The following GMPR variants were observed in gnomAD, a reference collection of about 807,000 sequenced individuals.
GMPR encodes GMP reductase 1.
Under a neutral mutation model 38.4 loss-of-function variants are expected in GMPR, and 31 were observed. The ratio of observed to expected loss-of-function variants is 0.81; its 90% CI spans 0.61 to 1.09. The LOEUF is 1.09. Ranked by LOEUF, GMPR falls within the 50% of genes least tolerant of loss-of-function variation. The pLI, the probability that GMPR is intolerant of heterozygous loss-of-function variation, is 0.00. For synonymous variants in GMPR, 162 were observed against 173.3 expected, an observed-to-expected ratio of 0.93 and a Z score of 0.51; for missense variants, 468 against 453.7, an observed-to-expected ratio of 1.03 and a Z score of -0.29.
At chr6:16,275,414 C>T (rs1421742781) in intron 5 of GMPR, among the ~76,000 whole-genome samples, 1 of 152,100 alleles carries the variant, frequency 6.6e-6, no homozygotes, top group Non-Finnish European at 1.5e-5. Context: ...CGTGATCAGC[C>T]TGAGGGAATT....
intron 4 of GMPR, chr6:16,262,732 T>C (rs2113681403): frequency 6.6e-6 from 1 of 152,120 alleles, no homozygotes; most frequent in South Asian, 2.1e-4. Flanking sequence ...TTTTGAACTT[T>C]TAGGGTCTAG....
intron 4 of GMPR, among the ~76,000 whole-genome samples, chr6:16,269,122 A>G (rs1175008019): frequency 1.3e-5 from 2 of 152,158 alleles, no homozygotes; most frequent in African/African-American, 4.8e-5. Context: ...AGCAATATAC[A>G]GAAAGTACTT....
At chr6:16,248,888 T>G (rs1758810336) in intron 2 of GMPR, among the ~76,000 whole-genome samples, 1 of 152,206 alleles carries the variant, frequency 6.6e-6, no homozygotes, top group Non-Finnish European at 1.5e-5. Context: ...CTTCCCATTT[T>G]CCTAGGAAGT....
intron 1 of GMPR, among the ~76,000 whole-genome samples, chr6:16,242,332 CTTTTT>C (rs36064390): frequency 7.0e-6 from 1 of 142,812 alleles, no homozygotes; most frequent in African/African-American, 2.6e-5. Flanking sequence ...TCACTAATTA[CTTTTT>C]TTTTTTTTTT....
chr6:16,248,684 A>G lies in GMPR; in HGVS notation c.208-1600A>G, dbSNP rs568717418. On this transcript the variant is annotated intron_variant, in intron 2 of 8. Coordinates refer to ENST00000259727, the MANE Select transcript of GMPR (RefSeq NM_006877.4). ...CTCAGCCCCTACTGAGCGTTGGGCC[A>G]GAGGCTAATAAATTAATTGCTAAGG... 1.4e-3 allele frequency among the ~76,000 whole-genome samples: 213 copies of G among 152,342 alleles called. 2 individuals carry two copies. The highest frequency in any genetic ancestry group is 4.9e-3 in the African/African-American group (204 of 41,578).
At chr6:16,250,891 A>C (rs1758860386) in intron 3 of GMPR, among the ~76,000 whole-genome samples, 1 of 124,318 alleles carries the variant, frequency 8.0e-6, no homozygotes, top group African/African-American at 3.1e-5. Flanking sequence ...AAAAAAAAAG[A>C]CAATAAATGT....
At chr6:16,278,486 A>G (rs532180049) in intron 5 of GMPR, among the ~76,000 whole-genome samples, 2 of 152,280 alleles carry the variant, frequency 1.3e-5, no homozygotes, top group Admixed American at 1.3e-4. Flanking sequence ...TGGCTATTGC[A>G]TGGGAGCCAG....
chr6:16,265,866 G>GT (rs1267604028), intron 4 of GMPR, among the ~76,000 whole-genome samples: 6 of 152,188 alleles, frequency 3.9e-5, no homozygotes, highest in Non-Finnish European at 5.9e-5. Context: ...CGCTCTTTGG[G>GT]TCCACGCGAC....
chr6:16,260,682 G>C (rs916476727), intron 4 of GMPR, among the ~76,000 whole-genome samples: 1 of 151,988 alleles, frequency 6.6e-6, no homozygotes, highest in Non-Finnish European at 1.5e-5. Flanking sequence ...CTAGTGGCTT[G>C]TACTATAGCA....
At chr6:16,278,681 C>T in intron 5 of GMPR, 103 bp from the exon 6 acceptor site, 3 of 801,640 alleles carry the variant, frequency 3.7e-6, no homozygotes, top group Non-Finnish European at 6.5e-6. Context: ...GAGGTTCACC[C>T]TGGTCCCTAA....
chr6:16,285,032 A>AAAAAAAAAAAAAAAAAG (rs1759650307), intron 6 of GMPR, among the ~76,000 whole-genome samples: 1 of 100,666 alleles, frequency 9.9e-6, no homozygotes, highest in Non-Finnish European at 2.0e-5. Flanking sequence ...AAAAAAAAAA[A>AAAAAAAAAAAAAAAAAG]CAAAAAAAAA....
intron 5 of GMPR, among the ~76,000 whole-genome samples, chr6:16,275,360 C>A (rs1276059427): frequency 6.6e-6 from 1 of 152,154 alleles, no homozygotes; most frequent in East Asian, 1.9e-4. Flanking sequence ...GGAAAACGCA[C>A]AGCTGGGAGG....
chr6:16,290,582 C>A lies in GMPR; in HGVS notation c.818C>A (p.Thr273Asn). 2 of 1,614,154 alleles carry A rather than the reference C, an allele frequency of 1.2e-6. No individual in the cohort carries two copies. Among genetic ancestry groups the A allele is most frequent in the Non-Finnish European group, 1.7e-6 (2 of 1,180,020 alleles). The change falls in exon 8 of 9, where the codon ACC becomes AAC. Residue 273 changes from threonine (T) to asparagine (N), a missense_variant. Physicochemically the swap from Thr to Asn is moderately conservative, Grantham distance 65. Coordinates refer to ENST00000259727, the MANE Select transcript of GMPR (RefSeq NM_006877.4). ...CTCTTCTACGGGATGAGCTCTGACACCGCCATGAACAAGCACGCAGGAGGA... is the reference window on the plus strand; with the variant it reads ...CTCTTCTACGGGATGAGCTCTGACAACGCCATGAACAAGCACGCAGGAGGA... ...LKLFYGMSSD[T>N]AMNKHAGGVA...
chr6:16,291,191 C>T (rs927785993), intron 8 of GMPR, among the ~76,000 whole-genome samples: 2 of 152,100 alleles, frequency 1.3e-5, no homozygotes, highest in Non-Finnish European at 2.9e-5. Context: ...AGAAGTGGGG[C>T]TTACTTCTGC....
intron 6 of GMPR, among the ~76,000 whole-genome samples, chr6:16,280,960 C>G (rs1420209124): frequency 5.3e-5 from 8 of 152,102 alleles, no homozygotes; most frequent in African/African-American, 1.9e-4. Context: ...TTCAAACTTG[C>G]TTAGTTTACA....
At chr6:16,286,559 ATGG>A (rs1008535727) in intron 7 of GMPR, among the ~76,000 whole-genome samples, 1 of 151,826 alleles carries the variant, frequency 6.6e-6, no homozygotes, top group Non-Finnish European at 1.5e-5. Flanking sequence ...AAAAAAAAAA[ATGG>A]TGGCAGGAAA....
rs1054235122 is a variant in GMPR at position 16,238,677 on chromosome 6, C to G, written c.-17C>G. 1.1e-5 allele frequency: 14 copies of G among 1,308,238 alleles called. 1 individual carries two copies. The African/African-American group carries it at 2.1e-4, about 20-fold the overall frequency. The allele number at this position is 1,308,238 out of a possible 1,614,324, so 81.0% of individuals were successfully genotyped here. A position where few individuals can be genotyped will look rare whatever the true frequency, so the allele number is the denominator to read the frequency against. ...CGCCCCGCCGTCGCCGCCGCCGCAG[C>G]CAGGAGCCGCTGCACCATGCCCCGC... is the stretch of plus-strand genomic sequence containing the variant. On this transcript the variant is annotated 5_prime_UTR_variant, in exon 1 of 9. Coordinates refer to ENST00000259727, the MANE Select transcript of GMPR (RefSeq NM_006877.4).
intron 8 of GMPR, among the ~76,000 whole-genome samples, chr6:16,291,908 C>CA (rs758154367): frequency 0.011 from 832 of 78,290 alleles, 7 homozygotes; most frequent in Middle Eastern, 0.025. Flanking sequence ...GATACCCTGC[C>CA]AAAAAAAAAA....
At chr6:16,294,933 G>A (rs1759908432) in intron 8 of GMPR, 73 bp from the exon 9 acceptor site, 8 of 1,205,646 alleles carry the variant, frequency 6.6e-6, no homozygotes, top group Non-Finnish European at 9.6e-6. Context: ...TGCTGGAGCT[G>A]GGAGTAATTC....
Sources: allele counts gnomAD v4.1 joint callset (sites outside exome capture counted in the v4.1 genomes callset), GRCh38; gene constraint gnomAD v4.1.1; transcripts MANE v1.5; gene names NCBI Gene and HGNC (gene_info 2026-07-23, HGNC 2026-07-21).